ECSCR: variants seen among roughly 807,000 people sequenced by gnomAD.
The protein encoded by ECSCR is endothelial cell surface expressed chemotaxis and apoptosis regulator.
In ECSCR, 12 loss-of-function variants were observed where a neutral mutation model predicts 16.7. The ratio of observed to expected loss-of-function variants is 0.72; its 90% CI spans 0.46 to 1.17. ECSCR has a LOEUF of 1.17. ECSCR is among the 50% of genes most tolerant of loss of function. The pLI, the probability that ECSCR is intolerant of heterozygous loss-of-function variation, is 0.00. For missense variants in ECSCR, 122 were observed against 116.1 expected, an observed-to-expected ratio of 1.05 and a Z score of -0.23; for synonymous variants, 44 against 42.2, an observed-to-expected ratio of 1.04 and a Z score of -0.17.
chr5:139,461,596 A>G (rs1023638914), intron 1 of ECSCR, among the ~76,000 whole-genome samples: 8 of 152,184 alleles, frequency 5.3e-5, no homozygotes, highest in Non-Finnish European at 2.9e-5. Context: ...TGCAGTTTCC[A>G]CAACAGCCTT....
intron 1 of ECSCR, among the ~76,000 whole-genome samples, chr5:139,461,049 C>T (rs1474391752): frequency 6.6e-6 from 1 of 152,084 alleles, no homozygotes; most frequent in African/African-American, 2.4e-5. Flanking sequence ...TAGCCCCCAG[C>T]TACACAGGAG....
chr5:139,448,747 G>A lies in ECSCR; in HGVS notation c.*153C>T, dbSNP rs1245896776. 3 of 1,449,706 alleles carry A rather than the reference G, an allele frequency of 2.1e-6. No homozygotes were observed. The highest frequency in any genetic ancestry group is 2.7e-6 in the Non-Finnish European group (3 of 1,106,494). The allele number at this position is 1,449,706 out of a possible 1,614,324, so 89.8% of individuals were successfully genotyped here. A position where few individuals can be genotyped will look rare whatever the true frequency, so the allele number is the denominator to read the frequency against. On this transcript the variant is annotated 3_prime_UTR_variant, in exon 10 of 10. Coordinates refer to ENST00000618155, the MANE Select transcript of ECSCR (RefSeq NM_001077693.4). ...TGTTGGTAGCTTGCTCCCAGATCTG[G>A]GGCAATGCTAGTGTCCTTTAGATCT...
rs1304406373 is a variant in ECSCR at position 139,454,824 on chromosome 5, C to G, written c.475+1G>C. 2.5e-6 allele frequency: 1 copy of G among 398,486 alleles called. No individual in the cohort carries two copies. The highest frequency in any genetic ancestry group is 4.4e-6 in the Non-Finnish European group (1 of 226,174). 24.7% of individuals were successfully genotyped at this position (398,486 alleles called of 1,614,324 possible). A position where few individuals can be genotyped will look rare whatever the true frequency, so the allele number is the denominator to read the frequency against. On this transcript the variant is annotated splice_donor_variant, in intron 7 of 9. Transcript: ENST00000618155. LOFTEE classifies it high-confidence loss of function. ...AAGATCCCCGAGGGCAGGGCACGCA[C>G]CTTCAGACTCCTTGCTCTTCCGACA...
At chr5:139,455,205 A>G in intron 6 of ECSCR, 118 bp downstream of exon 6, 1 of 396,666 alleles carries the variant, frequency 2.5e-6, no homozygotes, top group Non-Finnish European at 4.4e-6. Flanking sequence ...CTTCCTTATC[A>G]GCCAGAACCT....
In ECSCR at chr5:139,460,881, C is replaced by T. The variant is rs112738956; in HGVS notation, c.61+1729G>A. On this transcript the variant is annotated intron_variant, in intron 1 of 9. Transcript: ENST00000618155. ...GTTAAAATCGTGGATTTTAATCGAG[C>T]CTGGCAAGCCTGAGTTCAAGTCCTG... 2.2e-3 allele frequency among the ~76,000 whole-genome samples: 330 copies of T among 152,258 alleles called. 2 individuals are homozygous for T. Among genetic ancestry groups the T allele is most frequent in the African/African-American group, 7.6e-3 (316 of 41,568 alleles).
intron 9 of ECSCR, 81 bp downstream of exon 9, chr5:139,448,997 T>C: frequency 6.5e-7 from 1 of 1,533,636 alleles, no homozygotes; most frequent in Non-Finnish European, 8.7e-7. Context: ...TCTTTGAAAG[T>C]ATCTCCTTTC....
At chr5:139,456,343 C>T (rs1456676939) in intron 5 of ECSCR, 131 bp downstream of exon 5, 2 of 389,574 alleles carry the variant, frequency 5.1e-6, no homozygotes, top group Non-Finnish European at 9.1e-6. Context: ...TTCCACTTAT[C>T]TCTCCTCACT....
At chr5:139,456,222 C>A (rs932611105) in intron 5 of ECSCR, among the ~76,000 whole-genome samples, 1 of 152,050 alleles carries the variant, frequency 6.6e-6, no homozygotes, top group Non-Finnish European at 1.5e-5. Context: ...GGGATCGCAC[C>A]GCTGCACTCC....
At chr5:139,455,814 TAAAAAAAA>T (rs1187505493) in intron 5 of ECSCR, among the ~76,000 whole-genome samples, 3 of 49,032 alleles carry the variant, frequency 6.1e-5, no homozygotes, top group African/African-American at 7.7e-5. Flanking sequence ...CCATCTCTCC[TAAAAAAAA>T]AAAAAAAAAA....
chr5:139,461,342 G>A (rs569152431), intron 1 of ECSCR, among the ~76,000 whole-genome samples: 6 of 152,266 alleles, frequency 3.9e-5, no homozygotes, highest in South Asian at 4.1e-4. Flanking sequence ...CTGGGTATCC[G>A]TAGTCAAGTC....
At position 139,455,413 on chromosome 5, in the gene ECSCR, TG is replaced by T; in HGVS notation, c.285del (p.Asn96IlefsTer5). On this transcript the variant is annotated frameshift_variant, in exon 6 of 10. Transcript: ENST00000618155. Reference protein sequence around the residue: ...TSRDTFQTVPPNSTTMSLSMR... With the variant: ...TSRDTFQTVPXNSTTMSLSMR... Reference sequence around the variant, plus strand: ...ATGCTCAGGCTCATGGTGGTTGAATTGGGGGGAACAGTTTGAAATGTGTCTA... The same window carrying T: ...ATGCTCAGGCTCATGGTGGTTGAATTGGGGGAACAGTTTGAAATGTGTCTA... 2.5e-6 allele frequency: 1 copy of T among 398,538 alleles called. No homozygotes were observed. Among genetic ancestry groups the T allele is most frequent in the African/African-American group, 2.1e-5 (1 of 48,698 alleles). 24.7% of individuals were successfully genotyped at this position (398,538 alleles called of 1,614,324 possible).
chr5:139,460,583 C>A (rs184759422), intron 1 of ECSCR, among the ~76,000 whole-genome samples: 5 of 152,254 alleles, frequency 3.3e-5, no homozygotes, highest in Admixed American at 3.3e-4. Flanking sequence ...GCTTCAAGAC[C>A]CTGCTCTTTC....
intron 1 of ECSCR, among the ~76,000 whole-genome samples, chr5:139,459,056 A>G (rs903261237): frequency 4.3e-4 from 66 of 152,052 alleles, no homozygotes; most frequent in African/African-American, 1.4e-3. Flanking sequence ...TCAATCTGAC[A>G]TGGGCATTTT....
At chr5:139,461,481 G>A (rs181584236) in intron 1 of ECSCR, among the ~76,000 whole-genome samples, 2 of 152,292 alleles carry the variant, frequency 1.3e-5, no homozygotes, top group East Asian at 1.9e-4. Context: ...AGGTACAGCC[G>A]ACACAGGGCA....
At chr5:139,452,490 G>C in intron 8 of ECSCR, among the ~76,000 whole-genome samples, 2 of 28,442 alleles carry the variant, frequency 7.0e-5, no homozygotes. Context: ...TGGAGTGTGT[G>C]GTGTGTTTGT....
At chr5:139,451,842 A>T (rs1751057602) in intron 8 of ECSCR, among the ~76,000 whole-genome samples, 1 of 136,926 alleles carries the variant, frequency 7.3e-6, no homozygotes, top group African/African-American at 2.8e-5. Flanking sequence ...GTGCATGTGT[A>T]GTATAGGATG....
In ECSCR at chr5:139,448,565, G is replaced by T; in HGVS notation, c.*335C>A. On this transcript the variant is annotated 3_prime_UTR_variant, in exon 10 of 10. Coordinates refer to ENST00000618155, the MANE Select transcript of ECSCR (RefSeq NM_001077693.4). ...GACCTTAAAAGTAATTAGACTGCAG[G>T]CTAGAAAATAATTTTAATGCAAAGT... 2 of 397,534 alleles carry T rather than the reference G, an allele frequency of 5.0e-6. No individual in the cohort carries two copies. The highest frequency in any genetic ancestry group is 8.5e-6 in the Non-Finnish European group (2 of 235,514). 24.6% of individuals were successfully genotyped at this position (397,534 alleles called of 1,614,324 possible). A position where few individuals can be genotyped will look rare whatever the true frequency, so the allele number is the denominator to read the frequency against.
intron 1 of ECSCR, among the ~76,000 whole-genome samples, chr5:139,460,385 C>T (rs1224752497): frequency 6.6e-6 from 1 of 152,172 alleles, no homozygotes; most frequent in African/African-American, 2.4e-5. Flanking sequence ...ATCCATTCGC[C>T]TCAGCATCCT....
At position 139,457,718 on chromosome 5, in the gene ECSCR, G is replaced by C. The variant is rs1265086807; in HGVS notation, c.157+39C>G. The C allele has an allele frequency of 1.9e-6, 3 of 1,611,630 alleles. No homozygotes were observed. In the East Asian group the frequency reaches 6.7e-5, roughly 36 times the overall value. On this transcript the variant is annotated intron_variant, in intron 3 of 9. Coordinates refer to ENST00000618155, the MANE Select transcript of ECSCR (RefSeq NM_001077693.4). ...CAAGCAGGTCTGAATGAATGGGTGT[G>C]GGGCAGGAGCAGGGACCTCAGCAAC...
Sources: gnomAD v4.1 joint callset for allele counts (sites outside exome capture counted in the v4.1 genomes callset) on GRCh38, gnomAD v4.1.1 for gene constraint, MANE v1.5 for transcripts, NCBI Gene and HGNC (gene_info 2026-07-23, HGNC 2026-07-21) for gene names.